Variants in ANAPC4 observed in about 807,000 individuals in gnomAD.
ANAPC4 encodes the protein anaphase-promoting complex subunit 4.
ANAPC4 carries 63 observed loss-of-function variants against 119.8 expected under a neutral mutation model. The observed-to-expected ratio is 0.53, with a 90% CI of 0.43 to 0.65. The LOEUF is 0.65. ANAPC4 is among the 30% of genes least tolerant of loss of function. The pLI, the probability that ANAPC4 is intolerant of heterozygous loss-of-function variation, is 0.00. For synonymous variants in ANAPC4, 283 were observed against 318.6 expected (o/e 0.89, Z 1.19); for missense variants, 716 against 945.1 (o/e 0.76, Z 3.18).
intron 16 of ANAPC4, among the ~76,000 whole-genome samples, chr4:25,402,000 G>C (rs1723005936): frequency 1.3e-5 from 2 of 152,210 alleles, no homozygotes; most frequent in Admixed American, 6.5e-5. Context: ...CAGGTAAGTA[G>C]AATTATTACA....
chr4:25,398,744 A>C (rs867667427), intron 16 of ANAPC4, among the ~76,000 whole-genome samples: 6 of 152,208 alleles, frequency 3.9e-5, no homozygotes, highest in Admixed American at 1.3e-4. Flanking sequence ...AATGGTGGTC[A>C]GAATCTGAAG....
intron 19 of ANAPC4, 73 bp from the exon 20 acceptor site, chr4:25,407,124 T>A: frequency 7.5e-7 from 1 of 1,324,882 alleles, no homozygotes; most frequent in Non-Finnish European, 1.1e-6. Flanking sequence ...AAAAGGAAGG[T>A]TTTGGGTTTA....
chr4:25,406,183 T>C (rs1723237200), intron 18 of ANAPC4, among the ~76,000 whole-genome samples: 1 of 152,192 alleles, frequency 6.6e-6, no homozygotes, highest in Admixed American at 6.5e-5. Context: ...GCATTAAAAT[T>C]AGCCTCATGA....
In ANAPC4 at chr4:25,388,845, A is replaced by G; in HGVS notation, c.478A>G (p.Asn160Asp). 6.2e-7 allele frequency: 1 copy of G among 1,605,388 alleles called. No homozygotes were observed. The highest frequency in any genetic ancestry group is 2.2e-5 in the East Asian group (1 of 44,752). ...SNTSKIFSEENSDEIIKLLGD... is the reference protein window; with the variant it reads ...SNTSKIFSEEDSDEIIKLLGD... ...TTTACTTCTATATTTTAGTGAAGAA[A>G]ATTCTGATGAAATTATTAAGCTCTT... is the stretch of plus-strand genomic sequence containing the variant. The change falls in exon 7 of 29, where the codon AAT becomes GAT. Residue 160 changes from asparagine to aspartate, a missense_variant. Physicochemically the swap from Asn to Asp is conservative, Grantham distance 23. Around this residue, in one of 3 missense-constraint regions of ANAPC4, gnomAD observed 202 missense variants for 293.5 expected, o/e 0.69. Transcript: ENST00000315368.
chr4:25,401,419 AC>A (rs1722966475), intron 16 of ANAPC4, among the ~76,000 whole-genome samples: 1 of 152,104 alleles, frequency 6.6e-6, no homozygotes, highest in Non-Finnish European at 1.5e-5. Context: ...TTTGTTTTTG[AC>A]TGGAGAGTAG....
At chr4:25,391,216 A>T (rs1722329500) in intron 9 of ANAPC4, among the ~76,000 whole-genome samples, 1 of 152,236 alleles carries the variant, frequency 6.6e-6, no homozygotes, top group Non-Finnish European at 1.5e-5. Flanking sequence ...TACAGTTTTC[A>T]TAAAAAGTGT....
intron 2 of ANAPC4, among the ~76,000 whole-genome samples, chr4:25,380,100 T>C (rs1264738619): frequency 6.6e-6 from 1 of 152,216 alleles, no homozygotes; most frequent in Non-Finnish European, 1.5e-5. Flanking sequence ...TTATTTCTTT[T>C]TTGGTTGTCA....
chr4:25,418,461 G>T lies in ANAPC4; in HGVS notation c.*79G>T. 1.7e-6 allele frequency: 2 copies of T among 1,180,392 alleles called. No homozygotes were observed. The highest frequency in any genetic ancestry group is 2.4e-6 in the Non-Finnish European group (2 of 822,988). The allele number at this position is 1,180,392 out of a possible 1,614,324, so 73.1% of individuals were successfully genotyped here. The stretch of plus-strand genomic sequence containing the variant: ...GACTAAGATGTCTTGGACCACCTTT[G>T]TGTAACAAAGAAATAAACAGTAAAT... On this transcript the variant is annotated 3_prime_UTR_variant, in exon 29 of 29. Coordinates refer to ENST00000315368, the MANE Select transcript of ANAPC4 (RefSeq NM_013367.3).
chr4:25,404,960 G>T (rs1271395519), intron 17 of ANAPC4, among the ~76,000 whole-genome samples: 1 of 151,786 alleles, frequency 6.6e-6, no homozygotes, highest in Non-Finnish European at 1.5e-5. Flanking sequence ...CTTCTGACTT[G>T]CTTGTTACTG....
chr4:25,386,014 G>A (rs1480680322), intron 4 of ANAPC4, among the ~76,000 whole-genome samples: 1 of 151,894 alleles, frequency 6.6e-6, no homozygotes, highest in Non-Finnish European at 1.5e-5. Flanking sequence ...CACCTCCCAG[G>A]TTGATTCTCC....
intron 21 of ANAPC4, among the ~76,000 whole-genome samples, chr4:25,412,390 C>T (rs903366521): frequency 3.3e-5 from 5 of 151,910 alleles, no homozygotes; most frequent in South Asian, 2.1e-4. Context: ...TGGAGGCTGG[C>T]GGGTGGAGCT....
In ANAPC4 at chr4:25,418,440, A is replaced by C. The variant is rs1724004218; in HGVS notation, c.*58A>C. ...GCCAAAAGGACATAGGAGATGGACTAAGATGTCTTGGACCACCTTTGTGTA... is the reference window on the plus strand; with the variant it reads ...GCCAAAAGGACATAGGAGATGGACTCAGATGTCTTGGACCACCTTTGTGTA... On this transcript the variant is annotated 3_prime_UTR_variant, in exon 29 of 29. Transcript: ENST00000315368. 1 of 1,471,626 alleles carries C rather than the reference A, an allele frequency of 6.8e-7. No individual in the cohort carries two copies. The highest frequency in any genetic ancestry group is 2.3e-5 in the East Asian group (1 of 43,854). 91.2% of individuals were successfully genotyped at this position (1,471,626 alleles called of 1,614,324 possible).
intron 21 of ANAPC4, 34 bp downstream of exon 21, chr4:25,409,825 T>C (rs767720010): frequency 2.5e-5 from 38 of 1,533,868 alleles, no homozygotes; most frequent in Middle Eastern, 1.7e-4. Flanking sequence ...TTGGCCATTT[T>C]TGTTTTTATT....
Position 25,396,880 on chromosome 4 carries a change from A to G in ANAPC4, c.1195A>G (p.Lys399Glu). Residue 399 changes from lysine (K) to glutamate (E), a missense_variant, in exon 16 of 29, where the codon AAG (lysine) becomes GAG (glutamate). Lys to Glu is a moderately conservative substitution (Grantham distance 56). Coordinates refer to ENST00000315368, the MANE Select transcript of ANAPC4 (RefSeq NM_013367.3). The stretch of plus-strand genomic sequence containing the variant: ...AACTGCTGTGGGTTCTTTTATACTC[A>G]AGGCAAATGAACTTCTTCAGTAAGT... The part of the protein sequence containing the change: ...AITAVGSFIL[K>E]ANELLQVIDS... 6.2e-7 allele frequency: 1 copy of G among 1,612,560 alleles called. No homozygotes were observed.
Position 25,377,301 on chromosome 4 carries a change from A to C in ANAPC4, c.-54A>C. On this transcript the variant is annotated 5_prime_UTR_variant, in exon 1 of 29. Transcript: ENST00000315368. ...CGCGCGGCCGGCAGAGGGAGGGGAG[A>C]GGCCACTGGGGCCGTGTTAGTCTGC... 1 of 1,304,518 alleles carries C rather than the reference A, an allele frequency of 7.7e-7. No homozygotes were observed. Among genetic ancestry groups the C allele is most frequent in the Non-Finnish European group, 1.0e-6 (1 of 971,542 alleles). 80.8% of individuals were successfully genotyped at this position (1,304,518 alleles called of 1,614,324 possible). A position where few individuals can be genotyped will look rare whatever the true frequency, so the allele number is the denominator to read the frequency against.
chr4:25,386,923 T>C (rs13434761), intron 4 of ANAPC4, among the ~76,000 whole-genome samples: 65,813 of 152,142 alleles, frequency 0.43, 15,832 homozygotes, highest in Non-Finnish European at 0.53. Context: ...AACAAAGCTC[T>C]AGACGAGATA....
At chr4:25,414,273 C>T in intron 22 of ANAPC4, 51 bp from the exon 23 acceptor site, 1 of 1,265,002 alleles carries the variant, frequency 7.9e-7, no homozygotes, top group Non-Finnish European at 1.1e-6. Context: ...TGTAGAGTAT[C>T]TGTGTGCATA....
At position 25,416,557 on chromosome 4, in the gene ANAPC4, A is replaced by T; in HGVS notation, c.2034A>T (p.Glu678Asp). The T allele has an allele frequency of 6.3e-7, 1 of 1,580,374 alleles. No homozygotes were observed. ...CTTTGTCTTTAGTATATAACAGTGA[A>T]GATTCTGCAGAATATCAGTTCACTG... is the stretch of plus-strand genomic sequence containing the variant. ...QLPLSLVYNS[E>D]DSAEYQFTGT... The change falls in exon 27 of 29, where the codon GAA becomes GAT. Residue 678 changes from glutamate to aspartate, a missense_variant. Transcript: ENST00000315368.
intron 7 of ANAPC4, among the ~76,000 whole-genome samples, chr4:25,389,918 T>A (rs1037076195): frequency 5.3e-5 from 8 of 152,234 alleles, no homozygotes; most frequent in Non-Finnish European, 4.4e-5. Context: ...TAAGCTGATT[T>A]TTTTTTAGGC....
Sources: gnomAD v4.1 joint callset for allele counts (sites outside exome capture counted in the v4.1 genomes callset) on GRCh38, gnomAD v4.1.1 for gene constraint, gnomAD v4.1.1 regional missense constraint, MANE v1.5 for transcripts, NCBI Gene and HGNC (gene_info 2026-07-23, HGNC 2026-07-21) for gene names.